CNOT4: variants seen among roughly 807,000 people sequenced by gnomAD.
The protein encoded by CNOT4 is CCR4-NOT transcription complex subunit 4, also known as CCR4-associated factor 4.
CNOT4 carries 8 observed loss-of-function variants against 73.8 expected under a neutral mutation model. The observed-to-expected ratio is 0.11, with a 90% CI of 0.06 to 0.20. The LOEUF is 0.20. Ranked by LOEUF, CNOT4 falls within the 10% of genes least tolerant of loss-of-function variation. The pLI is 1.00. For missense variants in CNOT4, 564 were observed against 883.4 expected, an observed-to-expected ratio of 0.64 and a Z score of 4.58; for synonymous variants, 293 against 321.1, an observed-to-expected ratio of 0.91 and a Z score of 0.94.
At chr7:135,370,080 T>C (rs1795112471) in intron 10 of CNOT4, among the ~76,000 whole-genome samples, 1 of 152,232 alleles carries the variant, frequency 6.6e-6, no homozygotes, top group South Asian at 2.1e-4. Flanking sequence ...TGAAAAATGT[T>C]ATTCTAGTTA....
At chr7:135,491,288 A>C (rs900466002) in intron 1 of CNOT4, among the ~76,000 whole-genome samples, 1 of 152,242 alleles carries the variant, frequency 6.6e-6, no homozygotes, top group Non-Finnish European at 1.5e-5. Flanking sequence ...GAGATTGCTA[A>C]GGGAATGAGC....
intron 5 of CNOT4, 138 bp downstream of exon 5, chr7:135,414,193 T>C (rs1411002539): frequency 8.9e-6 from 4 of 447,916 alleles, no homozygotes; most frequent in African/African-American, 2.0e-5. Flanking sequence ...TTAGCTATAA[T>C]AGATGGTATG....
chr7:135,388,201 CA>C, intron 10 of CNOT4: 6 of 985,148 alleles, frequency 6.1e-6, no homozygotes, highest in Non-Finnish European at 7.2e-6. Flanking sequence ...AAAGAAAGTG[CA>C]AAAGTGCAAA....
At position 135,422,297 on chromosome 7, in the gene CNOT4, C is replaced by T. The variant is rs761326749; in HGVS notation, c.231G>A (p.Arg77=). The T allele has an allele frequency of 1.3e-6, 2 of 1,581,344 alleles. No homozygotes were observed. The highest frequency in any genetic ancestry group is 3.3e-5 in the Admixed American group (2 of 59,944). The part of the protein sequence containing the change: ...YKPLSQEELQ[R]IKNEKKQKQN... ...GTTTCTGTTTTTTCTCATTCTTTATCCTTTGCAGCTCTTCCTGGGAGAGTG... is the reference window on the plus strand; with the variant it reads ...GTTTCTGTTTTTTCTCATTCTTTATTCTTTGCAGCTCTTCCTGGGAGAGTG... The change falls in exon 3 of 12, where the codon AGG becomes AGA. Residue 77 remains arginine (R), a synonymous_variant. Coordinates refer to ENST00000541284, the MANE Select transcript of CNOT4 (RefSeq NM_001190850.2).
chr7:135,402,927 T>A (rs977295303), intron 7 of CNOT4, among the ~76,000 whole-genome samples: 2 of 152,024 alleles, frequency 1.3e-5, no homozygotes, highest in Non-Finnish European at 2.9e-5. Context: ...TTTAAAAAAA[T>A]TTGCAACATA....
intron 6 of CNOT4, 38 bp from the exon 7 acceptor site, chr7:135,410,686 C>CA (rs1563032857): frequency 6.5e-7 from 1 of 1,534,932 alleles, no homozygotes. Context: ...GTGGGATTCA[C>CA]AAAATGGCTG....
intron 7 of CNOT4, among the ~76,000 whole-genome samples, chr7:135,403,496 A>G (rs1238267097): frequency 6.6e-6 from 1 of 152,168 alleles, no homozygotes; most frequent in African/African-American, 2.4e-5. Flanking sequence ...CTACGTGCCT[A>G]TAGTCCTAGT....
intron 1 of CNOT4, among the ~76,000 whole-genome samples, chr7:135,445,294 G>T (rs952140995): frequency 8.5e-5 from 13 of 152,098 alleles, no homozygotes; most frequent in Non-Finnish European, 1.9e-4. Context: ...TTCCATATTT[G>T]CCCTGGGAAT....
At chr7:135,370,141 C>T (rs2129482530) in intron 10 of CNOT4, among the ~76,000 whole-genome samples, 1 of 152,252 alleles carries the variant, frequency 6.6e-6, no homozygotes, top group Admixed American at 6.5e-5. Context: ...ATGCAAGACA[C>T]ACCAATACTC....
chr7:135,485,400 T>A (rs1258845421), intron 1 of CNOT4, among the ~76,000 whole-genome samples: 1 of 152,100 alleles, frequency 6.6e-6, no homozygotes, highest in African/African-American at 2.4e-5. Context: ...TAGATAAACA[T>A]ATTCTAAAAT....
At chr7:135,502,494 G>A (rs1804048488) in intron 1 of CNOT4, among the ~76,000 whole-genome samples, 1 of 152,188 alleles carries the variant, frequency 6.6e-6, no homozygotes, top group South Asian at 2.1e-4. Flanking sequence ...TTTCCAAGAA[G>A]TGGTTCCATA....
At chr7:135,508,110 T>G (rs1277911825) in intron 1 of CNOT4, among the ~76,000 whole-genome samples, 1 of 152,228 alleles carries the variant, frequency 6.6e-6, no homozygotes, top group Non-Finnish European at 1.5e-5. Context: ...AACCCAGTAA[T>G]GGACTGCCAC....
At chr7:135,483,461 G>C (rs1403136940) in intron 1 of CNOT4, among the ~76,000 whole-genome samples, 8 of 151,970 alleles carry the variant, frequency 5.3e-5, no homozygotes, top group Admixed American at 5.3e-4. Context: ...CATATCAAAA[G>C]GCTAAAGAAG....
intron 2 of CNOT4, among the ~76,000 whole-genome samples, chr7:135,426,615 A>AAAAG (rs1342035870): frequency 1.4e-4 from 21 of 150,836 alleles, no homozygotes; most frequent in Admixed American, 2.6e-4. Context: ...AAAAAAAAAA[A>AAAAG]AAAGAAAGAA....
At chr7:135,371,645 G>C (rs889022344) in intron 10 of CNOT4, among the ~76,000 whole-genome samples, 17 of 152,102 alleles carry the variant, frequency 1.1e-4, no homozygotes, top group African/African-American at 3.9e-4. Context: ...TGTTTTGAAG[G>C]AGAATCAGAT....
intron 1 of CNOT4, among the ~76,000 whole-genome samples, chr7:135,451,631 C>T (rs575493304): frequency 6.6e-6 from 1 of 152,206 alleles, no homozygotes; most frequent in South Asian, 2.1e-4. Context: ...TACATGTTCT[C>T]TACATATGTA....
At chr7:135,461,424 T>C (rs930003094) in intron 1 of CNOT4, among the ~76,000 whole-genome samples, 1 of 152,168 alleles carries the variant, frequency 6.6e-6, no homozygotes, top group South Asian at 2.1e-4. Context: ...ACAAACCCTG[T>C]ACACCCAGCT....
chr7:135,417,322 AG>A (rs2129484306), intron 3 of CNOT4, among the ~76,000 whole-genome samples: 1 of 152,348 alleles, frequency 6.6e-6, no homozygotes, highest in South Asian at 2.1e-4. Flanking sequence ...TTGAATAGCA[AG>A]GTTCTAGAGT....
At chr7:135,439,362 A>G (rs1020074396) in intron 1 of CNOT4, among the ~76,000 whole-genome samples, 3 of 152,204 alleles carry the variant, frequency 2.0e-5, no homozygotes, top group Admixed American at 6.5e-5. Context: ...GCTTCTGGGG[A>G]AAAAAGTGGG....
Sources: gnomAD v4.1 joint callset for allele counts (sites outside exome capture counted in the v4.1 genomes callset) on GRCh38, gnomAD v4.1.1 for gene constraint, MANE v1.5 for transcripts, NCBI Gene and HGNC (gene_info 2026-07-23, HGNC 2026-07-21) for gene names.